EFHC1: variants seen among roughly 807,000 people sequenced by gnomAD.
The protein encoded by EFHC1 is EF-hand domain-containing protein 1.
EFHC1 carries 53 observed loss-of-function variants against 69.9 expected under a neutral mutation model. The ratio of observed to expected loss-of-function variants is 0.76; its 90% confidence interval spans 0.61 to 0.95. The LOEUF (loss-of-function observed/expected upper bound fraction) is 0.95. Among genes scored for constraint, EFHC1 ranks in the 40% least tolerant of loss-of-function variants. EFHC1 has a pLI of 0.00. For synonymous variants in EFHC1, 256 were observed against 278.4 expected, an observed-to-expected ratio of 0.92 and a Z score of 0.80; for missense variants, 739 against 798.7, an observed-to-expected ratio of 0.93 and a Z score of 0.90.
At chr6:52,468,978 G>C (rs1431304054) in intron 6 of EFHC1, 2 of 305,026 alleles carry the variant, frequency 6.6e-6, no homozygotes, top group Admixed American at 9.8e-5. Flanking sequence ...TATATAAAAA[G>C]ATTTTGTGGA....
At chr6:52,484,465 T>C (rs902373758) in intron 9 of EFHC1, 3 of 152,214 alleles carry the variant, frequency 2.0e-5, no homozygotes, top group African/African-American at 7.2e-5. Context: ...GATATTGCTT[T>C]ACATTTTTGC....
At chr6:52,424,278 A>G in intron 2 of EFHC1, 111 bp downstream of exon 2, 2 of 1,023,182 alleles carry the variant, frequency 2.0e-6, no homozygotes, top group East Asian at 5.2e-5. Context: ...TGAGGAGAAA[A>G]TTGTTCAGAT....
rs148706318 is a variant in EFHC1, at chr6:52,427,573, T to C, written c.285+3406T>C. 5.4e-3 allele frequency among the ~76,000 whole-genome samples: 824 copies of C among 151,640 alleles called. 7 individuals are homozygous for C. Among genetic ancestry groups the C allele is most frequent in the African/African-American group, 0.019 (775 of 41,268 alleles). On this transcript the variant is annotated intron_variant, in intron 2 of 10. Transcript: ENST00000371068. Reference sequence around the variant, plus strand: ...CCCTCTCTTTTTTTTTTTTCCCCTTTGCAGCACTATATTATAATTTGTGTT... The same window carrying C: ...CCCTCTCTTTTTTTTTTTTCCCCTTCGCAGCACTATATTATAATTTGTGTT...
chr6:52,435,799 T>G lies in EFHC1; in HGVS notation c.286-2505T>G, dbSNP rs190182709. On this transcript the variant is annotated intron_variant, in intron 2 of 10. Transcript: ENST00000371068. ...TCTGCTGATCTAAAATCTTTCACTC[T>G]TCAAGTCTAATACATCTTTTGTTTC... 2.6e-5 allele frequency among the ~76,000 whole-genome samples: 4 copies of G among 152,338 alleles called. No homozygotes were observed. The East Asian group carries it at 5.8e-4, about 22-fold the overall frequency.
At chr6:52,487,308 G>C (rs1765806449) in intron 9 of EFHC1, 1 of 152,076 alleles carries the variant, frequency 6.6e-6, no homozygotes, top group East Asian at 1.9e-4. Context: ...CCTCTCTTGA[G>C]TTCTGGAAAT....
intron 3 of EFHC1, among the ~76,000 whole-genome samples, chr6:52,452,044 G>A (rs7766055): frequency 0.14 from 20,841 of 152,204 alleles, 1,791 homozygotes; most frequent in East Asian, 0.45. Context: ...GCAATCCTAA[G>A]ACTTACTCTG....
chr6:52,438,233 G>A (rs951296907), intron 2 of EFHC1, 71 bp from the exon 3 acceptor site: 2 of 1,442,544 alleles, frequency 1.4e-6, no homozygotes, highest in South Asian at 1.2e-5. Flanking sequence ...TTTCAGGAAG[G>A]TACTTGATAT....
At chr6:52,476,423 G>A (rs1765546615) in intron 7 of EFHC1, among the ~76,000 whole-genome samples, 1 of 152,274 alleles carries the variant, frequency 6.6e-6, no homozygotes, top group South Asian at 2.1e-4. Context: ...AGCAATGGCT[G>A]CTAAAATTAG....
chr6:52,443,819 G>A (rs1764720674), intron 3 of EFHC1, among the ~76,000 whole-genome samples: 2 of 152,150 alleles, frequency 1.3e-5, no homozygotes, highest in African/African-American at 4.8e-5. Flanking sequence ...TTCCAATTCT[G>A]TGAAGAAAGT....
intron 3 of EFHC1, among the ~76,000 whole-genome samples, chr6:52,442,347 G>A (rs1764683830): frequency 6.6e-6 from 1 of 152,000 alleles, no homozygotes; most frequent in Admixed American, 6.6e-5. Context: ...CGCACAACGT[G>A]CAGGTTTGTT....
chr6:52,440,601 C>T (rs945156482), intron 3 of EFHC1, among the ~76,000 whole-genome samples: 2 of 151,948 alleles, frequency 1.3e-5, no homozygotes, highest in African/African-American at 2.4e-5. Flanking sequence ...AACATACTTG[C>T]GGGTATGTCT....
At position 52,494,647 on chromosome 6, in the gene EFHC1, G is replaced by T. The variant is rs1205921878; in HGVS notation, c.*2306G>T. The T allele has an allele frequency of 2.2e-6, 1 of 453,966 alleles. No individual in the cohort carries two copies. The highest frequency in any genetic ancestry group is 6.9e-5 in the East Asian group (1 of 14,414). 28.1% of individuals were successfully genotyped at this position (453,966 alleles called of 1,614,324 possible). ...TGTTACATGAGTATATTGCACCCAG[G>T]TAGTGAGCATAGTGCCCAGTAAGTA... On this transcript the variant is annotated 3_prime_UTR_variant, in exon 11 of 11. Transcript: ENST00000371068.
At position 52,469,347 on chromosome 6, in the gene EFHC1, T is replaced by C. The variant is rs767223757; in HGVS notation, c.1152T>C (p.Tyr384=). Residue 384 remains tyrosine (Y), a synonymous_variant, in exon 7 of 11, where the codon TAT becomes TAC. Transcript: ENST00000371068. ...PPPVKQELPP[Y]NGFGLVEDSA... is the part of the protein sequence containing the mutation. ...TGTATCTCCAGGAGTTGCCTCCTTATAACGGTTTTGGACTAGTGGAAGATT... is the reference window on the plus strand; with the variant it reads ...TGTATCTCCAGGAGTTGCCTCCTTACAACGGTTTTGGACTAGTGGAAGATT... 9 of 1,614,070 alleles carry C rather than the reference T, an allele frequency of 5.6e-6. No individual in the cohort carries two copies. Among genetic ancestry groups the C allele is most frequent in the Non-Finnish European group, 7.6e-6 (9 of 1,179,942 alleles).
At chr6:52,453,202 A>T in intron 4 of EFHC1, 1 of 1,304,382 alleles carries the variant, frequency 7.7e-7, no homozygotes, top group African/African-American at 1.5e-5. Flanking sequence ...CCATAAATCG[A>T]TTATTAGGAA....
At chr6:52,453,965 T>G (rs781401970) in intron 4 of EFHC1, 130 bp from the exon 5 acceptor site, 2 of 1,553,102 alleles carry the variant, frequency 1.3e-6, no homozygotes, top group South Asian at 2.3e-5. Flanking sequence ...TTTTTTCAAT[T>G]TACCCCATCT....
At position 52,468,597 on chromosome 6, in the gene EFHC1, T is replaced by G. The variant is rs562593323; in HGVS notation, c.1138-736T>G. On this transcript the variant is annotated intron_variant, in intron 6 of 10. Coordinates refer to ENST00000371068, the MANE Select transcript of EFHC1 (RefSeq NM_018100.4). ...CAGCCAGGATGCTCTCATTGTGTGG[T>G]GTTGGTACAAGTGCAAAGCAAGTTC... 52 of 152,600 alleles carry G rather than the reference T, an allele frequency of 3.4e-4. 1 individual carries two copies. The highest frequency in any genetic ancestry group is 3.4e-3 in the Middle Eastern group (1 of 294). 9.5% of individuals were successfully genotyped at this position (152,600 alleles called of 1,614,324 possible).
chr6:52,474,364 T>C (rs931643646), intron 7 of EFHC1, among the ~76,000 whole-genome samples: 4 of 152,176 alleles, frequency 2.6e-5, no homozygotes, highest in Admixed American at 6.5e-5. Flanking sequence ...ACTAAAGAAG[T>C]GCAGATTACA....
At chr6:52,454,054 A>G (rs774015739) in intron 4 of EFHC1, 41 bp from the exon 5 acceptor site, 8 of 1,611,126 alleles carry the variant, frequency 5.0e-6, no homozygotes, top group Middle Eastern at 2.2e-4. Flanking sequence ...TGAACTCCCT[A>G]CTTTTAGGAT....
chr6:52,431,649 T>C (rs2113973138), intron 2 of EFHC1, among the ~76,000 whole-genome samples: 1 of 152,322 alleles, frequency 6.6e-6, no homozygotes, highest in South Asian at 2.1e-4. Context: ...GAAAGTTCTA[T>C]GCGCTGTTGA....
Sources: gnomAD v4.1 joint callset for allele counts (sites outside exome capture counted in the v4.1 genomes callset) on GRCh38, gnomAD v4.1.1 for gene constraint, MANE v1.5 for transcripts, NCBI Gene and HGNC (gene_info 2026-07-23, HGNC 2026-07-21) for gene names.